PLG: variants seen among roughly 807,000 people sequenced by gnomAD.
The protein encoded by PLG is plasminogen, also known as plasmin.
A neutral mutation model predicts 104.4 loss-of-function variants in PLG; 41 were observed. The observed-to-expected ratio is 0.39, with a 90% CI of 0.31 to 0.51. PLG has a LOEUF of 0.51. PLG is among the 20% of genes least tolerant of loss of function. The pLI is 0.76. For missense variants in PLG, 891 were observed against 1,003.6 expected, an observed-to-expected ratio of 0.89 and a Z score of 1.52; for synonymous variants, 337 against 357.1, an observed-to-expected ratio of 0.94 and a Z score of 0.63.
rs1468247198 is a variant in PLG, at chr6:160,718,298, A to G, written c.792A>G (p.Thr264=). The G allele has an allele frequency of 6.2e-7, 1 of 1,613,370 alleles. No individual in the cohort carries two copies. The highest frequency in any genetic ancestry group is 1.1e-5 in the South Asian group (1 of 91,050). ...AACTTATTTTGCCCATTCAAGCAACACCTCCACCATCTTCTGGTCCCACCT... is the reference window on the plus strand; with the variant it reads ...AACTTATTTTGCCCATTCAAGCAACGCCTCCACCATCTTCTGGTCCCACCT... ...WELCDIPRCT[T]PPPSSGPTYQ... Residue 264 remains threonine (T), a synonymous_variant, in exon 8 of 19, where the codon ACA becomes ACG. Coordinates refer to ENST00000308192, the MANE Select transcript of PLG (RefSeq NM_000301.5).
rs1405654267 is a variant in PLG, at chr6:160,726,069, C to CA, written c.1256+3509dup. On this transcript the variant is annotated intron_variant, in intron 10 of 18. Coordinates refer to ENST00000308192, the MANE Select transcript of PLG (RefSeq NM_000301.5). The surrounding 1 kb of genome is among the most constrained non-coding windows in gnomAD (Gnocchi z 4.4). The stretch of plus-strand genomic sequence containing the variant: ...AACAAAATATAATAGAAAAAATACA[C>CA]AAAAAAATCAGAAAGAATATATATG... 6.6e-6 allele frequency among the ~76,000 whole-genome samples: 1 copy of CA among 151,886 alleles called. No individual in the cohort carries two copies. The highest frequency in any genetic ancestry group is 2.4e-5 in the African/African-American group (1 of 41,380).
chr6:160,731,869 T>C lies in PLG; in HGVS notation c.1563T>C (p.Asn521=). ...ACAGCATTTTCACTCCAGAGACAAA[T>C]CCACGGGCGGGTCTGGAAAAAAATG... is the stretch of plus-strand genomic sequence containing the variant. ...HRHSIFTPET[N]PRAGLEKNYC... is the part of the protein sequence containing the mutation. The change falls in exon 12 of 19, where the codon AAT becomes AAC. Residue 521 remains asparagine, a synonymous_variant. Coordinates refer to ENST00000308192, the MANE Select transcript of PLG (RefSeq NM_000301.5). This position sits in a 1 kb window ranked among gnomAD's most constrained non-coding sequence, Gnocchi z 5.1. 1 of 1,614,106 alleles carries C rather than the reference T, an allele frequency of 6.2e-7. No individual in the cohort carries two copies. Among genetic ancestry groups the C allele is most frequent in the African/African-American group, 1.3e-5 (1 of 75,004 alleles).
Position 160,726,688 on chromosome 6 carries a change from T to C in PLG, c.1256+4121T>C, listed in dbSNP as rs1430152220. ...ATAATGTTTGATCACATTATCTCTC[T>C]GATGGCTAATAAAATGTGTGATTGT... is the stretch of plus-strand genomic sequence containing the variant. On this transcript the variant is annotated intron_variant, in intron 10 of 18. Transcript: ENST00000308192. The surrounding 1 kb of genome is among the most constrained non-coding windows in gnomAD (Gnocchi z 4.4). Among the ~76,000 whole-genome samples, 3 of 152,054 alleles carry C rather than the reference T, an allele frequency of 2.0e-5. No individual in the cohort carries two copies. Among genetic ancestry groups the C allele is most frequent in the Non-Finnish European group, 2.9e-5 (2 of 67,886 alleles).
intron 17 of PLG, among the ~76,000 whole-genome samples, chr6:160,749,474 C>T (rs1054938895): frequency 8.2e-5 from 10 of 122,152 alleles, no homozygotes; most frequent in Non-Finnish European, 1.5e-4. Context: ...ACATTACCAT[C>T]ACTATCATCA....
rs115603025 is a variant in PLG, at chr6:160,748,803, C to T, written c.2126-3312C>T. 8.6e-3 allele frequency among the ~76,000 whole-genome samples: 1,312 copies of T among 152,312 alleles called. 18 individuals are homozygous for T. Among genetic ancestry groups the T allele is most frequent in the African/African-American group, 0.031 (1,274 of 41,556 alleles). On this transcript the variant is annotated intron_variant, in intron 17 of 18. Transcript: ENST00000308192. The stretch of plus-strand genomic sequence containing the variant: ...TGTGACATTCTCGTGGCTGCAGATG[C>T]TGTGGTGGCTCTGGCTCTGCCAGGA...
chr6:160,718,645 G>A, intron 8 of PLG, 48 bp from the exon 9 acceptor site: 2 of 1,601,294 alleles, frequency 1.2e-6, no homozygotes, highest in Non-Finnish European at 1.7e-6. Flanking sequence ...TGGTTCCCTA[G>A]ACTTTTTTCT....
rs759288464 is a variant in PLG at position 160,739,168 on chromosome 6, G to A, written c.1978G>A (p.Glu660Lys). ...AATAGAAGTGTCTAGGCTGTTCTTG[G>A]AGCCCACACGAAAAGATATTGCCTT... ...QEIEVSRLFL[E>K]PTRKDIALLK... The change falls in exon 16 of 19, where the codon GAG becomes AAG. Residue 660 changes from glutamate (E) to lysine (K), a missense_variant. By Grantham distance (56) the Glu-to-Lys change is moderately conservative (BLOSUM62 1). This residue lies in a region of PLG where 854 missense variants were observed against 932.1 expected (regional missense o/e 0.92). Coordinates refer to ENST00000308192, the MANE Select transcript of PLG (RefSeq NM_000301.5). This position sits in a 1 kb window ranked among gnomAD's most constrained non-coding sequence, Gnocchi z 4.4. 6.2e-7 allele frequency: 1 copy of A among 1,614,108 alleles called. No homozygotes were observed. The highest frequency in any genetic ancestry group is 8.5e-7 in the Non-Finnish European group (1 of 1,180,014).
rs546045841 is a variant in PLG, at chr6:160,737,965, T to C, written c.1803-573T>C. Among the ~76,000 whole-genome samples the C allele has an allele frequency of 5.5e-4, 70 of 128,122 alleles. No homozygotes were observed. The Middle Eastern group carries it at 0.014, about 26-fold the overall frequency. 84.1% of individuals were successfully genotyped at this position (128,122 alleles called of 152,430 possible). On this transcript the variant is annotated intron_variant, in intron 14 of 18. Transcript: ENST00000308192. The surrounding 1 kb of genome is among the most constrained non-coding windows in gnomAD (Gnocchi z 4.7). Reference sequence around the variant, plus strand: ...ATGCACTTCCTATCTCTATTCCTCTTCTTTAAATTTGGTTCCAAATGGCTC... The same window carrying C: ...ATGCACTTCCTATCTCTATTCCTCTCCTTTAAATTTGGTTCCAAATGGCTC...
At chr6:160,749,749 G>C (rs972782552) in intron 17 of PLG, among the ~76,000 whole-genome samples, 2 of 143,294 alleles carry the variant, frequency 1.4e-5, no homozygotes, top group African/African-American at 2.6e-5. Flanking sequence ...ACCACCACCA[G>C]TACCATCACC....
rs1426904475 is a variant in PLG, at chr6:160,719,231, C to A, written c.1096+393C>A. Reference sequence around the variant, plus strand: ...AAATTAGTCTATTTCTCTTTTAGATCGTAACTCTTTTGTATATTTTGAAGC... The same window carrying A: ...AAATTAGTCTATTTCTCTTTTAGATAGTAACTCTTTTGTATATTTTGAAGC... On this transcript the variant is annotated intron_variant, in intron 9 of 18. Coordinates refer to ENST00000308192, the MANE Select transcript of PLG (RefSeq NM_000301.5). This position sits in a 1 kb window ranked among gnomAD's most constrained non-coding sequence, Gnocchi z 4.1. 6.6e-6 allele frequency among the ~76,000 whole-genome samples: 1 copy of A among 152,030 alleles called. No homozygotes were observed. Among genetic ancestry groups the A allele is most frequent in the African/African-American group, 2.4e-5 (1 of 41,378 alleles).
In PLG at chr6:160,724,613, T is replaced by C. The variant is rs1421087689; in HGVS notation, c.1256+2046T>C. 1.3e-5 allele frequency among the ~76,000 whole-genome samples: 2 copies of C among 152,116 alleles called. No homozygotes were observed. Among genetic ancestry groups the C allele is most frequent in the African/African-American group, 2.4e-5 (1 of 41,438 alleles). ...GAAAATATATGTTTACACAGAAGAA[T>C]AGTGGTAAAAATGACTGATGCCTTC... On this transcript the variant is annotated intron_variant, in intron 10 of 18. Coordinates refer to ENST00000308192, the MANE Select transcript of PLG (RefSeq NM_000301.5). This position sits in a 1 kb window ranked among gnomAD's most constrained non-coding sequence, Gnocchi z 5.0.
chr6:160,706,226 C>A, intron 1 of PLG, 181 bp from the exon 2 acceptor site: 1 of 766,134 alleles, frequency 1.3e-6, no homozygotes, highest in Non-Finnish European at 2.2e-6. Context: ...TATTTATGTC[C>A]AAATGCCCGA....
At chr6:160,746,505 C>A (rs1336877522) in intron 17 of PLG, among the ~76,000 whole-genome samples, 1 of 152,140 alleles carries the variant, frequency 6.6e-6, no homozygotes, top group African/African-American at 2.4e-5. Context: ...CTTTTTTAAA[C>A]CAGTGATTTT....
intron 1 of PLG, among the ~76,000 whole-genome samples, chr6:160,703,570 A>G (rs536756012): frequency 6.6e-6 from 1 of 152,380 alleles, no homozygotes; most frequent in East Asian, 1.9e-4. Context: ...TTGAAATTCA[A>G]TCTATAAATT....
Position 160,722,390 on chromosome 6 carries a change from C to G in PLG, c.1097-18C>G, listed in dbSNP as rs750126916. The stretch of plus-strand genomic sequence containing the variant: ...TTTCAGTAATTGTTAAGCTTGATTT[C>G]TTTTATTTTAATTTCAGCACCACCT... On this transcript the variant is annotated intron_variant, in intron 9 of 18. Transcript: ENST00000308192. 8 of 1,599,414 alleles carry G rather than the reference C, an allele frequency of 5.0e-6. No homozygotes were observed. In the Admixed American group the frequency reaches 1.3e-4, roughly 27 times the overall value.
At position 160,724,118 on chromosome 6, in the gene PLG, C is replaced by G. The variant is rs139562665; in HGVS notation, c.1256+1551C>G. Among the ~76,000 whole-genome samples, 342 of 152,126 alleles carry G rather than the reference C, an allele frequency of 2.2e-3. No individual in the cohort carries two copies. Among genetic ancestry groups the G allele is most frequent in the African/African-American group, 8.0e-3 (332 of 41,486 alleles). On this transcript the variant is annotated intron_variant, in intron 10 of 18. Coordinates refer to ENST00000308192, the MANE Select transcript of PLG (RefSeq NM_000301.5). This position sits in a 1 kb window ranked among gnomAD's most constrained non-coding sequence, Gnocchi z 5.0. ...ACATACAAAAAGCATTTACTGTGATCCATAACCAGGAGAAAAAGCACTCAA... is the reference window on the plus strand; with the variant it reads ...ACATACAAAAAGCATTTACTGTGATGCATAACCAGGAGAAAAAGCACTCAA...
Position 160,713,037 on chromosome 6 carries a change from G to A in PLG, c.459G>A (p.Arg153=), listed in dbSNP as rs144153702. The A allele has an allele frequency of 1.0e-3, 1,632 of 1,609,030 alleles. 2 individuals carry two copies. Among genetic ancestry groups the A allele is most frequent in the Non-Finnish European group, 1.0e-3 (1,232 of 1,177,164 alleles). ...PSEGLEENYC[R]NPDNDPQGPW... ...AGGGACTGGAGGAGAACTACTGCAG[G>A]AATCCAGACAACGATCCGCAGGGGC... The change falls in exon 5 of 19, where the codon AGG becomes AGA. Residue 153 remains arginine (R), a synonymous_variant. Transcript: ENST00000308192.
intron 4 of PLG, chr6:160,711,445 T>C: frequency 1.2e-6 from 1 of 864,756 alleles, no homozygotes; most frequent in Non-Finnish European, 1.8e-6. Flanking sequence ...ATATTGTTAT[T>C]TTCTGTCATC....
intron 9 of PLG, among the ~76,000 whole-genome samples, chr6:160,721,637 C>T (rs1370282000): frequency 6.6e-6 from 1 of 152,198 alleles, no homozygotes; most frequent in African/African-American, 2.4e-5. Context: ...CATTGACACT[C>T]GGCTGTTTCT....
Sources: allele counts gnomAD v4.1 joint callset (sites outside exome capture counted in the v4.1 genomes callset), GRCh38; gene constraint gnomAD v4.1.1; regional missense constraint gnomAD v4.1.1; non-coding constraint Gnocchi (gnomAD v3.1); transcripts MANE v1.5; gene names NCBI Gene and HGNC (gene_info 2026-07-23, HGNC 2026-07-21).